CCDC73: variants seen among roughly 807,000 people sequenced by gnomAD.
CCDC73 encodes the protein coiled-coil domain containing 73.
CCDC73 carries 95 observed loss-of-function variants against 116.5 expected under a neutral mutation model. That is an observed-to-expected ratio of 0.82 (90% CI 0.69 to 0.97). CCDC73 has a LOEUF of 0.97. CCDC73 is among the 50% of genes least tolerant of loss of function. CCDC73 has a pLI of 0.00. For missense variants in CCDC73, 1,066 were observed against 1,206.8 expected (o/e 0.88, Z 1.73); for synonymous variants, 398 against 401.3 (o/e 0.99, Z 0.10).
intron 3 of CCDC73, among the ~76,000 whole-genome samples, chr11:32,714,526 A>G (rs1849927579): frequency 6.6e-6 from 1 of 152,156 alleles, no homozygotes. Context: ...TCCTGAAACC[A>G]TGTTGGAAAT....
intron 17 of CCDC73, chr11:32,605,255 T>A (rs1215479751): frequency 6.6e-6 from 1 of 151,118 alleles, no homozygotes; most frequent in Non-Finnish European, 1.5e-5. Context: ...TCTGTTTGGC[T>A]CCCTCCCTGA....
chr11:32,644,539 C>T (rs1855760206), intron 12 of CCDC73, among the ~76,000 whole-genome samples: 1 of 152,162 alleles, frequency 6.6e-6, no homozygotes, highest in African/African-American at 2.4e-5. Flanking sequence ...AATTCAGTGG[C>T]ACTGAGTATA....
At chr11:32,603,215 T>C in intron 17 of CCDC73, 195 bp from the exon 18 acceptor site, 1 of 496,382 alleles carries the variant, frequency 2.0e-6, no homozygotes, top group Non-Finnish European at 3.5e-6. Flanking sequence ...TCAAAATCTC[T>C]AATATATAAC....
At chr11:32,806,813 A>G in the CCDC73 span, among the ~76,000 whole-genome samples, 11 of 152,266 alleles carry the variant, frequency 7.2e-5, no homozygotes, top group Admixed American at 7.2e-4. Flanking sequence ...TTCTGATCTG[A>G]TAGGTCTGAC....
At position 32,653,970 on chromosome 11, in the gene CCDC73, T is replaced by C. The variant is rs187625408; in HGVS notation, c.834+8A>G. 2 of 1,596,730 alleles carry C rather than the reference T, an allele frequency of 1.3e-6. No homozygotes were observed. Among genetic ancestry groups the C allele is most frequent in the Middle Eastern group, 1.7e-4 (1 of 5,988 alleles). ...TTACTGGCTTCCAAATAGCTTATGATTGCTTACCTGTTTTTCTTCTTGAAT... is the reference window on the plus strand; with the variant it reads ...TTACTGGCTTCCAAATAGCTTATGACTGCTTACCTGTTTTTCTTCTTGAAT... On this transcript the variant is annotated splice_region_variant and intron_variant, in intron 11 of 17. Coordinates refer to ENST00000335185, the MANE Select transcript of CCDC73 (RefSeq NM_001008391.4).
chr11:32,605,581 A>G (rs1855339131), intron 17 of CCDC73: 1 of 152,204 alleles, frequency 6.6e-6, no homozygotes, highest in African/African-American at 2.4e-5. Flanking sequence ...CAGTTTCCCA[A>G]AATCCTGATT....
rs188438267 is a variant in CCDC73, at chr11:32,718,625, A to G, written c.136-478T>C. ...GCTATGTAGGGGAAGAGCAGTCCCA[A>G]ACCATCTTCCCTATTTCCTCTACAG... is the stretch of plus-strand genomic sequence containing the variant. On this transcript the variant is annotated intron_variant, in intron 2 of 17. Coordinates refer to ENST00000335185, the MANE Select transcript of CCDC73 (RefSeq NM_001008391.4). Among the ~76,000 whole-genome samples, 11 of 152,236 alleles carry G rather than the reference A, an allele frequency of 7.2e-5. No individual in the cohort carries two copies. In the East Asian group the frequency reaches 1.9e-3, roughly 27 times the overall value.
At chr11:32,766,167 A>G (rs1340182135) in intron 1 of CCDC73, among the ~76,000 whole-genome samples, 1 of 152,238 alleles carries the variant, frequency 6.6e-6, no homozygotes, top group Admixed American at 6.5e-5. Context: ...GCAAATCAAT[A>G]AACGTAATCC....
At chr11:32,616,973 A>G (rs1441607612) in intron 14 of CCDC73, among the ~76,000 whole-genome samples, 1 of 152,208 alleles carries the variant, frequency 6.6e-6, no homozygotes, top group African/African-American at 2.4e-5. Context: ...TACGTGAAGT[A>G]TGATATGGAG....
At chr11:32,610,271 G>T (rs186074381) in intron 17 of CCDC73, among the ~76,000 whole-genome samples, 1 of 152,136 alleles carries the variant, frequency 6.6e-6, no homozygotes, top group Non-Finnish European at 1.5e-5. Context: ...CATGGGAACT[G>T]TGGGAGTGAC....
chr11:32,721,093 T>C (rs551444408), intron 2 of CCDC73, among the ~76,000 whole-genome samples: 13 of 152,222 alleles, frequency 8.5e-5, no homozygotes, highest in African/African-American at 2.9e-4. Flanking sequence ...GGTGCAATTT[T>C]GGCTCACTGC....
In CCDC73 at chr11:32,743,445, G is replaced by A. The variant is rs1302408495; in HGVS notation, c.135+16664C>T. The stretch of plus-strand genomic sequence containing the variant: ...CCTGAATGACTGCTGGGTAAATAAC[G>A]AAATGAAGGCAGAAATAAAGATGTT... On this transcript the variant is annotated intron_variant, in intron 2 of 17. Transcript: ENST00000335185. 4.6e-5 allele frequency among the ~76,000 whole-genome samples: 7 copies of A among 152,244 alleles called. No individual in the cohort carries two copies. In the East Asian group the frequency reaches 9.7e-4, roughly 21 times the overall value.
chr11:32,700,437 ACAT>A (rs1398735011), intron 5 of CCDC73, among the ~76,000 whole-genome samples: 1 of 152,184 alleles, frequency 6.6e-6, no homozygotes, highest in African/African-American at 2.4e-5. Context: ...AGCACTAAAA[ACAT>A]CATGGTTAAT....
At chr11:32,662,963 GTTTT>G (rs1855944862) in intron 9 of CCDC73, among the ~76,000 whole-genome samples, 1 of 152,080 alleles carries the variant, frequency 6.6e-6, no homozygotes, top group South Asian at 2.1e-4. Context: ...CCCATTTCTT[GTTTT>G]TGTCAGGTTT....
At chr11:32,789,075 C>G (rs1850651206) in intron 1 of CCDC73, among the ~76,000 whole-genome samples, 1 of 152,124 alleles carries the variant, frequency 6.6e-6, no homozygotes, top group African/African-American at 2.4e-5. Flanking sequence ...TAGTGCAATT[C>G]TAGCTGTCAA....
intron 14 of CCDC73, among the ~76,000 whole-genome samples, chr11:32,625,003 T>G (rs888037039): frequency 1.3e-5 from 2 of 152,180 alleles, no homozygotes; most frequent in African/African-American, 4.8e-5. Context: ...GATACAGGTG[T>G]TGTTGAATTG....
intron 2 of CCDC73, chr11:32,758,342 C>T (rs1590633049): frequency 2.0e-6 from 1 of 504,080 alleles, no homozygotes; most frequent in Non-Finnish European, 4.0e-6. Flanking sequence ...TGTCCCAAAC[C>T]CCTGGTAATA....
chr11:32,768,547 T>C (rs1850464778), intron 1 of CCDC73, among the ~76,000 whole-genome samples: 1 of 152,198 alleles, frequency 6.6e-6, no homozygotes, highest in African/African-American at 2.4e-5. Flanking sequence ...GTAAACAGTT[T>C]AATTTCATAT....
At chr11:32,822,065 A>AGGGGAATACCAGAGGTAAATGGTT in the CCDC73 span, among the ~76,000 whole-genome samples, 1 of 152,140 alleles carries the variant, frequency 6.6e-6, no homozygotes, top group Non-Finnish European at 1.5e-5. Context: ...CATTGAAGGG[A>AGGGGAATACCAGAGGTAAATGGTT]GGGGAATACC....
Sources: gnomAD v4.1 joint callset for allele counts (sites outside exome capture counted in the v4.1 genomes callset) on GRCh38, gnomAD v4.1.1 for gene constraint, MANE v1.5 for transcripts, NCBI Gene and HGNC (gene_info 2026-07-23, HGNC 2026-07-21) for gene names.